Variants in CPEB3 observed in about 807,000 individuals in gnomAD.
CPEB3 encodes the protein cytoplasmic polyadenylation element-binding protein 3.
CPEB3 carries 20 observed loss-of-function variants against 67.2 expected under a neutral mutation model. The observed-to-expected ratio is 0.30, with a 90% CI of 0.21 to 0.43. CPEB3 has a LOEUF of 0.43. CPEB3 is among the 20% of genes least tolerant of loss of function. CPEB3 has a pLI of 1.00. For missense variants in CPEB3, 746 were observed against 968.6 expected (o/e 0.77, Z 3.05); for synonymous variants, 376 against 393.1 (o/e 0.96, Z 0.51).
chr10:92,264,969 C>A (rs1301352887), intron 1 of CPEB3, among the ~76,000 whole-genome samples: 1 of 151,904 alleles, frequency 6.6e-6, no homozygotes, highest in Admixed American at 6.6e-5. Context: ...AGTTTGAGAC[C>A]AGCCTGGCCA....
In CPEB3 at chr10:92,050,144, A is replaced by G. The variant is rs1207214608; in HGVS notation, c.*2068T>C. ...AGTAGTGCATAACAAAATTTCTTGT[A>G]CAGATGAAAAAAAACCCACAAACAT... On this transcript the variant is annotated 3_prime_UTR_variant, in exon 10 of 10. Transcript: ENST00000265997. 1 of 152,502 alleles carries G rather than the reference A, an allele frequency of 6.6e-6. No individual in the cohort carries two copies. The highest frequency in any genetic ancestry group is 2.4e-5 in the African/African-American group (1 of 41,450). The allele number at this position is 152,502 out of a possible 1,614,324, so 9.4% of individuals were successfully genotyped here.
At chr10:92,140,374 G>A (rs1463866781) in intron 6 of CPEB3, among the ~76,000 whole-genome samples, 1 of 152,104 alleles carries the variant, frequency 6.6e-6, no homozygotes, top group Non-Finnish European at 1.5e-5. Flanking sequence ...AAACAAGCAA[G>A]GGGGAAAGGA....
In CPEB3 at chr10:92,047,240, T is replaced by C. The variant is rs887247512; in HGVS notation, c.*4972A>G. On this transcript the variant is annotated 3_prime_UTR_variant, in exon 10 of 10. Transcript: ENST00000265997. ...AGATGGAACACTATTGCAGCTGAGA[T>C]AGAGAAGTTTGGTTATTATAAAAGA... is the stretch of plus-strand genomic sequence containing the variant. The C allele has an allele frequency of 1.3e-5, 2 of 149,930 alleles. No individual in the cohort carries two copies. Among genetic ancestry groups the C allele is most frequent in the African/African-American group, 2.4e-5 (1 of 41,218 alleles). 9.3% of individuals were successfully genotyped at this position (149,930 alleles called of 1,614,324 possible).
chr10:92,074,107 TA>T (rs992467867), intron 9 of CPEB3, among the ~76,000 whole-genome samples: 1 of 150,574 alleles, frequency 6.6e-6, no homozygotes, highest in Non-Finnish European at 1.5e-5. Context: ...TTTTTTTAAT[TA>T]AAAAAATGGT....
At chr10:92,114,019 T>C (rs1374329223) in intron 6 of CPEB3, among the ~76,000 whole-genome samples, 1 of 152,244 alleles carries the variant, frequency 6.6e-6, no homozygotes, top group African/African-American at 2.4e-5. Flanking sequence ...CAATTATCTT[T>C]ACTCTGAGGT....
chr10:92,073,617 A>C (rs1489996556), intron 9 of CPEB3, among the ~76,000 whole-genome samples: 1 of 151,544 alleles, frequency 6.6e-6, no homozygotes, highest in Non-Finnish European at 1.5e-5. Context: ...TTAAAAAAAA[A>C]ATTTTTTTTT....
chr10:92,215,293 C>G (rs1044474697), intron 2 of CPEB3, among the ~76,000 whole-genome samples: 8 of 151,636 alleles, frequency 5.3e-5, no homozygotes, highest in African/African-American at 1.9e-4. Context: ...GCTGGGATTA[C>G]AGGCGCCCAC....
intron 1 of CPEB3, among the ~76,000 whole-genome samples, chr10:92,279,304 G>A (rs2135057962): frequency 6.6e-6 from 1 of 152,136 alleles, no homozygotes; most frequent in South Asian, 2.1e-4. Context: ...TTTGCTTCAG[G>A]GCCCAAAATG....
intron 6 of CPEB3, among the ~76,000 whole-genome samples, chr10:92,115,724 T>C (rs1333901074): frequency 1.3e-5 from 2 of 152,196 alleles, no homozygotes; most frequent in African/African-American, 2.4e-5. Context: ...CCATTTAAAC[T>C]GATTGTTGCG....
intron 7 of CPEB3, among the ~76,000 whole-genome samples, chr10:92,096,882 G>GT (rs1184327781): frequency 6.6e-6 from 1 of 152,188 alleles, no homozygotes; most frequent in Non-Finnish European, 1.5e-5. Flanking sequence ...GGAGGCAGAG[G>GT]TTGCAGTGAG....
intron 1 of CPEB3, among the ~76,000 whole-genome samples, chr10:92,256,069 C>T (rs1319320753): frequency 6.6e-6 from 1 of 152,226 alleles, no homozygotes; most frequent in Non-Finnish European, 1.5e-5. Flanking sequence ...GCACCACCAT[C>T]AGTGTAGTCA....
intron 4 of CPEB3, among the ~76,000 whole-genome samples, chr10:92,159,753 T>G (rs938243731): frequency 6.6e-6 from 1 of 152,172 alleles, no homozygotes; most frequent in Admixed American, 6.5e-5. Context: ...TTCAGCCGGA[T>G]AGTTGAAATA....
At chr10:92,277,512 C>T (rs533013742) in intron 1 of CPEB3, among the ~76,000 whole-genome samples, 93 of 152,286 alleles carry the variant, frequency 6.1e-4, no homozygotes, top group East Asian at 4.8e-3. Context: ...TATTCTTATG[C>T]CACCACCACA....
At chr10:92,238,778 A>C (rs1299008467) in intron 2 of CPEB3, among the ~76,000 whole-genome samples, 3 of 152,210 alleles carry the variant, frequency 2.0e-5, no homozygotes, top group African/African-American at 7.2e-5. Flanking sequence ...GCTGATTGTT[A>C]TTAATGATTC....
At chr10:92,247,404 T>C (rs1852117413) in intron 1 of CPEB3, among the ~76,000 whole-genome samples, 1 of 151,814 alleles carries the variant, frequency 6.6e-6, no homozygotes, top group East Asian at 1.9e-4. Flanking sequence ...TTTTATTTTA[T>C]TATTTGTTTT....
Position 92,239,204 on chromosome 10 carries a change from G to C in CPEB3, c.1005+142C>G. Reference sequence around the variant, plus strand: ...CCTCTGATAATGGAACAGCCCTAAAGAACTGGAGGCTTCGGAAGGGGAAAG... The same window carrying C: ...CCTCTGATAATGGAACAGCCCTAAACAACTGGAGGCTTCGGAAGGGGAAAG... On this transcript the variant is annotated intron_variant, in intron 2 of 9. Coordinates refer to ENST00000265997, the MANE Select transcript of CPEB3 (RefSeq NM_014912.5). The surrounding 1 kb of genome is among the most constrained non-coding windows in gnomAD (Gnocchi z 6.0). 1 of 870,622 alleles carries C rather than the reference G, an allele frequency of 1.1e-6. No homozygotes were observed. The highest frequency in any genetic ancestry group is 1.7e-5 in the South Asian group (1 of 58,574). The allele number at this position is 870,622 out of a possible 1,614,324, so 53.9% of individuals were successfully genotyped here. A position where few individuals can be genotyped will look rare whatever the true frequency, so the allele number is the denominator to read the frequency against.
Position 92,188,320 on chromosome 10 carries a change from T to TAAAAA in CPEB3, c.1165+4152_1165+4156dup, listed in dbSNP as rs756970118. Among the ~76,000 whole-genome samples, 16 of 36,978 alleles carry TAAAAA rather than the reference T, an allele frequency of 4.3e-4. No individual in the cohort carries two copies. The East Asian group carries it at 4.4e-3, about 10-fold the overall frequency. 24.3% of individuals were successfully genotyped at this position (36,978 alleles called of 152,430 possible). A position where few individuals can be genotyped will look rare whatever the true frequency, so the allele number is the denominator to read the frequency against. ...AAAGAAAAGTATATGTAAGACATAG[T>TAAAAA]AAAAAAAAAAAAAAAAAAAAAAAAA... On this transcript the variant is annotated intron_variant, in intron 3 of 9. Transcript: ENST00000265997.
intron 9 of CPEB3, among the ~76,000 whole-genome samples, chr10:92,069,757 G>A (rs1305514251): frequency 1.3e-5 from 2 of 152,178 alleles, no homozygotes; most frequent in Admixed American, 6.5e-5. Context: ...CAAACTAAAA[G>A]TCGCTCTGGT....
At chr10:92,238,233 A>C (rs1851634475) in intron 2 of CPEB3, among the ~76,000 whole-genome samples, 1 of 152,172 alleles carries the variant, frequency 6.6e-6, no homozygotes, top group Non-Finnish European at 1.5e-5. Flanking sequence ...TTCTAAGTGA[A>C]GGATAAGTGT....
Sources: allele counts gnomAD v4.1 joint callset (sites outside exome capture counted in the v4.1 genomes callset), GRCh38; gene constraint gnomAD v4.1.1; non-coding constraint Gnocchi (gnomAD v3.1); transcripts MANE v1.5; gene names NCBI Gene and HGNC (gene_info 2026-07-23, HGNC 2026-07-21).